SLC4A10: variants seen among roughly 807,000 people sequenced by gnomAD.
SLC4A10 encodes the protein solute carrier family 4 member 10.
Under a neutral mutation model 137.7 loss-of-function variants are expected in SLC4A10, and 42 were observed. The observed-to-expected ratio is 0.30, with a 90% CI of 0.24 to 0.39. The LOEUF (loss-of-function observed/expected upper bound fraction) is 0.39. Ranked by LOEUF, SLC4A10 falls within the 10% of genes least tolerant of loss-of-function variation. The probability of loss-of-function intolerance (pLI) is 1.00; values close to 1 mark genes in which losing one functional copy is unlikely to be tolerated. For missense variants in SLC4A10, 925 were observed against 1,355.0 expected (o/e 0.68, Z 4.98); for synonymous variants, 474 against 464.1 (o/e 1.02, Z -0.27).
chr2:161,640,657 C>CTACT (rs2035185981), intron 1 of SLC4A10, among the ~76,000 whole-genome samples: 1 of 62,226 alleles, frequency 1.6e-5, no homozygotes, highest in South Asian at 5.5e-4. Flanking sequence ...TCCTTCCTTC[C>CTACT]TTCTTTCTTT....
chr2:161,664,578 AT>A (rs887973336), intron 1 of SLC4A10, among the ~76,000 whole-genome samples: 22 of 152,042 alleles, frequency 1.4e-4, no homozygotes, highest in African/African-American at 5.1e-4. Flanking sequence ...TATTTAGTTC[AT>A]ATTTGAAAAC....
chr2:161,669,511 TG>T (rs1182199267), intron 1 of SLC4A10, among the ~76,000 whole-genome samples: 1 of 151,994 alleles, frequency 6.6e-6, no homozygotes, highest in Admixed American at 6.6e-5. Context: ...TAGTTACTTT[TG>T]GTATAATTAA....
chr2:161,762,450 T>C (rs537925336), intron 1 of SLC4A10, among the ~76,000 whole-genome samples: 2 of 152,142 alleles, frequency 1.3e-5, no homozygotes, highest in East Asian at 1.9e-4. Flanking sequence ...AGCAGTATGA[T>C]ACAATTAGAC....
intron 2 of SLC4A10, among the ~76,000 whole-genome samples, chr2:161,795,007 A>G (rs943961337): frequency 9.9e-5 from 15 of 152,272 alleles, no homozygotes; most frequent in East Asian, 3.9e-4. Flanking sequence ...CTGTATGTCA[A>G]TATAAGTCAA....
intron 15 of SLC4A10, among the ~76,000 whole-genome samples, chr2:161,916,462 ACT>A (rs1358769594): frequency 6.0e-4 from 91 of 152,072 alleles, no homozygotes; most frequent in African/African-American, 2.1e-3. Flanking sequence ...TTTTATGCGT[ACT>A]CTTCCACAGA....
At chr2:161,748,223 G>A (rs562524382) in intron 1 of SLC4A10, among the ~76,000 whole-genome samples, 1 of 152,078 alleles carries the variant, frequency 6.6e-6, no homozygotes, top group East Asian at 1.9e-4. Context: ...CCTGTGGCCT[G>A]CCTTTTTTAT....
chr2:161,865,621 A>C (rs969465419), intron 6 of SLC4A10, among the ~76,000 whole-genome samples: 2 of 152,056 alleles, frequency 1.3e-5, no homozygotes, highest in African/African-American at 4.8e-5. Flanking sequence ...CACACTTTGC[A>C]TAATTATGTG....
At chr2:161,820,736 A>G (rs2057543376) in intron 3 of SLC4A10, among the ~76,000 whole-genome samples, 1 of 152,216 alleles carries the variant, frequency 6.6e-6, no homozygotes, top group Non-Finnish European at 1.5e-5. Context: ...TACTACAAGT[A>G]ATAATGCTGT....
At chr2:161,958,248 C>T (rs1696012972) in intron 20 of SLC4A10, among the ~76,000 whole-genome samples, 1 of 151,964 alleles carries the variant, frequency 6.6e-6, no homozygotes, top group South Asian at 2.1e-4. Flanking sequence ...TATAACAACC[C>T]TATTGTTATC....
chr2:161,898,747 C>G (rs2063774149), intron 11 of SLC4A10, among the ~76,000 whole-genome samples: 2 of 152,052 alleles, frequency 1.3e-5, no homozygotes, highest in African/African-American at 4.8e-5. Flanking sequence ...CTTGGCAAAA[C>G]CACAACCCTG....
At chr2:161,817,251 T>C (rs1317091933) in intron 3 of SLC4A10, among the ~76,000 whole-genome samples, 1 of 152,256 alleles carries the variant, frequency 6.6e-6, no homozygotes, top group Admixed American at 6.5e-5. Context: ...CATTTTTTCA[T>C]GTGCCTGTTG....
intron 2 of SLC4A10, among the ~76,000 whole-genome samples, chr2:161,797,229 C>G (rs2054865475): frequency 6.6e-6 from 1 of 152,086 alleles, no homozygotes; most frequent in African/African-American, 2.4e-5. Context: ...TTCACATTAT[C>G]CCTTCAATTG....
At chr2:161,887,135 G>A (rs542093336) in intron 10 of SLC4A10, among the ~76,000 whole-genome samples, 4 of 152,178 alleles carry the variant, frequency 2.6e-5, no homozygotes, top group African/African-American at 9.6e-5. Context: ...CCTCTTTTAT[G>A]GCTGCATACT....
intron 10 of SLC4A10, among the ~76,000 whole-genome samples, chr2:161,893,973 C>A (rs1177561923): frequency 1.3e-5 from 2 of 151,962 alleles, no homozygotes; most frequent in Non-Finnish European, 2.9e-5. Context: ...CTTAACCCCA[C>A]TGAAAGTTGA....
chr2:161,765,989 T>C (rs1350669238), intron 1 of SLC4A10, among the ~76,000 whole-genome samples: 1 of 152,070 alleles, frequency 6.6e-6, no homozygotes, highest in Non-Finnish European at 1.5e-5. Context: ...GTAACAAAAG[T>C]AGAGGACTTT....
intron 1 of SLC4A10, among the ~76,000 whole-genome samples, chr2:161,696,819 C>T (rs542951459): frequency 2.6e-5 from 4 of 152,076 alleles, no homozygotes; most frequent in Middle Eastern, 3.4e-3. Context: ...TGGTATATAC[C>T]CAGCAATCCC....
intron 1 of SLC4A10, among the ~76,000 whole-genome samples, chr2:161,760,855 A>G (rs1010206269): frequency 6.6e-6 from 1 of 151,958 alleles, no homozygotes; most frequent in Admixed American, 6.6e-5. Flanking sequence ...GAATATATCA[A>G]TGGATACGTG....
chr2:161,972,476 C>G (rs1698711600), intron 23 of SLC4A10, among the ~76,000 whole-genome samples: 1 of 152,068 alleles, frequency 6.6e-6, no homozygotes, highest in African/African-American at 2.4e-5. Context: ...TAATTTCAAA[C>G]CAATGGTAAT....
chr2:161,823,743 T>C (rs1397420924), intron 3 of SLC4A10, among the ~76,000 whole-genome samples: 1 of 152,202 alleles, frequency 6.6e-6, no homozygotes. Context: ...TCATTTATGA[T>C]TTTTGTAAGA....
Sources: gnomAD v4.1 joint callset for allele counts (sites outside exome capture counted in the v4.1 genomes callset) on GRCh38, gnomAD v4.1.1 for gene constraint, MANE v1.5 for transcripts, NCBI Gene and HGNC (gene_info 2026-07-23, HGNC 2026-07-21) for gene names.